The following ADRA1A variants were observed in gnomAD, a reference collection of about 807,000 sequenced individuals.
The protein encoded by ADRA1A is alpha-1A adrenergic receptor.
Under a neutral mutation model 29.6 loss-of-function variants are expected in ADRA1A, and 31 were observed. That is an observed-to-expected ratio of 1.05 (90% CI 0.79 to 1.41). The LOEUF (loss-of-function observed/expected upper bound fraction) is 1.41. Ranked by LOEUF, ADRA1A falls within the 40% of genes most tolerant of loss-of-function variation. The pLI is 0.00. For missense variants in ADRA1A, 619 were observed against 601.1 expected (o/e 1.03, Z -0.31); for synonymous variants, 311 against 254.3 (o/e 1.22, Z -2.12).
chr8:26,795,160 C>G (rs4732655), intron 2 of ADRA1A, among the ~76,000 whole-genome samples: 67,561 of 151,850 alleles, frequency 0.44, 18,008 homozygotes, highest in East Asian at 0.89. Context: ...CCAGGTCTGG[C>G]CAGGAAACAT....
At chr8:26,776,976 A>G (rs1004024936) in intron 2 of ADRA1A, among the ~76,000 whole-genome samples, 1 of 152,200 alleles carries the variant, frequency 6.6e-6, no homozygotes, top group African/African-American at 2.4e-5. Flanking sequence ...CAACAGGCCA[A>G]GGAGCTCCAG....
At chr8:26,851,525 T>C (rs778429548) in intron 2 of ADRA1A, among the ~76,000 whole-genome samples, 16 of 152,190 alleles carry the variant, frequency 1.1e-4, no homozygotes, top group Admixed American at 3.3e-4. Context: ...TAAGGACAAA[T>C]ACCCATATTA....
exon 3 of ADRA1A, chr8:26,756,515 C>A: frequency 6.5e-7 from 1 of 1,527,168 alleles, no homozygotes; most frequent in Non-Finnish European, 8.8e-7. Context: ...GGCTCTTTTC[C>A]TCTTTCCCTT....
chr8:26,784,363 A>C (rs889737778), intron 2 of ADRA1A, among the ~76,000 whole-genome samples: 1 of 152,218 alleles, frequency 6.6e-6, no homozygotes, highest in Non-Finnish European at 1.5e-5. Flanking sequence ...TGCTCCAATT[A>C]GGTGATTAAT....
chr8:26,811,162 A>T (rs1483048966), intron 2 of ADRA1A, among the ~76,000 whole-genome samples: 1 of 150,988 alleles, frequency 6.6e-6, no homozygotes, highest in Non-Finnish European at 1.5e-5. Flanking sequence ...GATTCTGTCC[A>T]TTTGGGTCTC....
rs1212608398 is a variant in ADRA1A at position 26,848,956 on chromosome 8, C to T, written c.883+15131G>A. On this transcript the variant is annotated intron_variant, in intron 2 of 2. Transcript: ENST00000380573. This position sits in a 1 kb window ranked among gnomAD's most constrained non-coding sequence, Gnocchi z 4.3. ...CTGCGGGTGACCCACTTCTGCTTCA[C>T]ACTCTGATATCCCCATGAAAAGGAG... Among the ~76,000 whole-genome samples, 1 of 152,170 alleles carries T rather than the reference C, an allele frequency of 6.6e-6. No individual in the cohort carries two copies. Among genetic ancestry groups the T allele is most frequent in the East Asian group, 1.9e-4 (1 of 5,180 alleles).
rs146250970 is a variant in ADRA1A at position 26,775,149 on chromosome 8, G to A, written c.884-4483C>T. Among the ~76,000 whole-genome samples, 146 of 152,264 alleles carry A rather than the reference G, an allele frequency of 9.6e-4. No individual in the cohort carries two copies. Among genetic ancestry groups the A allele is most frequent in the African/African-American group, 3.5e-3 (145 of 41,564 alleles). On this transcript the variant is annotated intron_variant, in intron 2 of 2. Transcript: ENST00000380573. This position sits in a 1 kb window ranked among gnomAD's most constrained non-coding sequence, Gnocchi z 4.1. Reference sequence around the variant, plus strand: ...CCAGTAAAATGCTAGAGTCTTGAAGGCATTCTCCTAGTTTTTGCTGCATGA... The same window carrying A: ...CCAGTAAAATGCTAGAGTCTTGAAGACATTCTCCTAGTTTTTGCTGCATGA...
Position 26,802,006 on chromosome 8 carries a change from G to A in ADRA1A, c.884-31340C>T, listed in dbSNP as rs139323717. Among the ~76,000 whole-genome samples the A allele has an allele frequency of 2.8e-3, 427 of 152,238 alleles. 8 individuals carry two copies. Among genetic ancestry groups the A allele is most frequent in the Admixed American group, 0.024 (360 of 15,274 alleles). On this transcript the variant is annotated intron_variant, in intron 2 of 2. Transcript: ENST00000380573. ...TATACACTGGGGAACGAACACTCTCGTCAGTGAATGGTGCTGGGGAAACCA... is the reference window on the plus strand; with the variant it reads ...TATACACTGGGGAACGAACACTCTCATCAGTGAATGGTGCTGGGGAAACCA...
chr8:26,766,185 G>C, downstream of ADRA1A: 2 of 1,294,828 alleles, frequency 1.5e-6, no homozygotes, highest in Non-Finnish European at 2.2e-6. Flanking sequence ...ATACAGGTGA[G>C]TGAGAGTGAG....
At chr8:26,853,008 TGAAATAAAATTTTATCAAATCAA>T (rs1392942127) in intron 2 of ADRA1A, among the ~76,000 whole-genome samples, 3 of 152,038 alleles carry the variant, frequency 2.0e-5, no homozygotes, top group Non-Finnish European at 4.4e-5. Context: ...GTTAATAATA[TGAAATAAAATTTTATCAAATCAA>T]TGTCAATGAA....
intron 2 of ADRA1A, among the ~76,000 whole-genome samples, chr8:26,801,228 G>A (rs1429619760): frequency 6.6e-6 from 1 of 152,116 alleles, no homozygotes; most frequent in Non-Finnish European, 1.5e-5. Flanking sequence ...AGACAAGCAT[G>A]TTCACTTTCA....
chr8:26,841,672 G>A lies in ADRA1A; in HGVS notation c.883+22415C>T, dbSNP rs1563298675. 6.6e-6 allele frequency among the ~76,000 whole-genome samples: 1 copy of A among 152,004 alleles called. No homozygotes were observed. The highest frequency in any genetic ancestry group is 1.5e-5 in the Non-Finnish European group (1 of 68,028). On this transcript the variant is annotated intron_variant, in intron 2 of 2. Transcript: ENST00000380573. The surrounding 1 kb of genome is among the most constrained non-coding windows in gnomAD (Gnocchi z 4.4). The stretch of plus-strand genomic sequence containing the variant: ...CTGTCCCTAACATTCAGCTGAAACT[G>A]TTCCTAGATCCCAAACTCCTACCCT...
At chr8:26,847,366 TAGGAAAAGTTTATTATCCTGGGA>T (rs1167227800) in intron 2 of ADRA1A, among the ~76,000 whole-genome samples, 9 of 152,202 alleles carry the variant, frequency 5.9e-5, no homozygotes, top group African/African-American at 1.7e-4. Flanking sequence ...GTGACCTCTT[TAGGAAAAGTTTATTATCCTGGGA>T]TTTTTTCCTC....
chr8:26,762,545 T>G (rs1379564137), downstream of ADRA1A, among the ~76,000 whole-genome samples: 5 of 152,114 alleles, frequency 3.3e-5, no homozygotes, highest in Admixed American at 2.6e-4. This position sits in a 1 kb window ranked among gnomAD's most constrained non-coding sequence, Gnocchi z 4.0. Flanking sequence ...CCCCAGCTTC[T>G]TTCACTGTTT....
rs1809723129 is a variant in ADRA1A at position 26,815,941 on chromosome 8, G to C, written c.884-45275C>G. 5.9e-5 allele frequency among the ~76,000 whole-genome samples: 9 copies of C among 152,180 alleles called. No individual in the cohort carries two copies. Among genetic ancestry groups the C allele is most frequent in the Admixed American group, 5.9e-4 (9 of 15,270 alleles). On this transcript the variant is annotated intron_variant, in intron 2 of 2. Coordinates refer to ENST00000380573, the MANE Select transcript of ADRA1A (RefSeq NM_000680.4). This position sits in a 1 kb window ranked among gnomAD's most constrained non-coding sequence, Gnocchi z 4.2. ...ACAGGGCAGGATGAGAAGCAAGGGA[G>C]GGGGCGTGTCCAGGTGCTGCTGGTT...
Position 26,865,718 on chromosome 8 carries a change from G to A in ADRA1A, c.-686-63C>T. 1 of 985,632 alleles carries A rather than the reference G, an allele frequency of 1.0e-6. No individual in the cohort carries two copies. Among genetic ancestry groups the A allele is most frequent in the Non-Finnish European group, 1.2e-6 (1 of 830,160 alleles). 61.1% of individuals were successfully genotyped at this position (985,632 alleles called of 1,614,324 possible). A position where few individuals can be genotyped will look rare whatever the true frequency, so the allele number is the denominator to read the frequency against. On this transcript the variant is annotated intron_variant, in intron 1 of 2. Transcript: ENST00000380573. This position sits in a 1 kb window ranked among gnomAD's most constrained non-coding sequence, Gnocchi z 7.6. ...GCGCCCCAGGGAAAGAGGCTGTGCT[G>A]AGCTTGACGGGTTGGGGGACACCAG...
At chr8:26,773,371 G>A (rs541691941) in intron 2 of ADRA1A, among the ~76,000 whole-genome samples, 7 of 152,242 alleles carry the variant, frequency 4.6e-5, no homozygotes, top group South Asian at 2.1e-4. Context: ...GTGCAAATGC[G>A]GTCAGTTCCA....
At chr8:26,804,048 A>G (rs1808790463) in intron 2 of ADRA1A, among the ~76,000 whole-genome samples, 1 of 149,666 alleles carries the variant, frequency 6.7e-6, no homozygotes, top group African/African-American at 2.5e-5. Flanking sequence ...CAGCATCCCA[A>G]GTAGCTGAGG....
At chr8:26,780,344 C>G (rs886410499) in intron 2 of ADRA1A, among the ~76,000 whole-genome samples, 1 of 152,034 alleles carries the variant, frequency 6.6e-6, no homozygotes, top group East Asian at 1.9e-4. Context: ...TTTCCAACAC[C>G]AAGGCTTTCT....
Sources: allele counts gnomAD v4.1 joint callset (sites outside exome capture counted in the v4.1 genomes callset), GRCh38; gene constraint gnomAD v4.1.1; non-coding constraint Gnocchi (gnomAD v3.1); transcripts MANE v1.5; gene names NCBI Gene and HGNC (gene_info 2026-07-23, HGNC 2026-07-21).